The following DCHS2 variants were observed in gnomAD, a reference collection of about 807,000 sequenced individuals.
The protein encoded by DCHS2 is protocadherin-23.
A neutral mutation model predicts 182.4 loss-of-function variants in DCHS2; 142 were observed. The ratio of observed to expected loss-of-function variants is 0.78; its 90% CI spans 0.68 to 0.89. The LOEUF (loss-of-function observed/expected upper bound fraction) is 0.89. DCHS2 is among the 40% of genes least tolerant of loss of function. The probability of loss-of-function intolerance (pLI) is 0.00; values close to 1 mark genes in which losing one functional copy is unlikely to be tolerated. For missense variants in DCHS2, 4,319 were observed against 4,198.6 expected (o/e 1.03, Z -0.79); for synonymous variants, 1,740 against 1,663.3 (o/e 1.05, Z -1.12).
intron 1 of DCHS2, among the ~76,000 whole-genome samples, chr4:154,423,029 A>C (rs1327244841): frequency 6.6e-6 from 1 of 152,234 alleles, no homozygotes; most frequent in East Asian, 1.9e-4. Context: ...GATATGTGAA[A>C]TATAACTCAC....
intron 1 of DCHS2, among the ~76,000 whole-genome samples, chr4:154,388,891 C>T (rs1256224740): frequency 6.6e-6 from 1 of 152,038 alleles, no homozygotes; most frequent in African/African-American, 2.4e-5. Flanking sequence ...AGGCATTGGC[C>T]GTCTGTCTAT....
At position 154,232,386 on chromosome 4, in the gene DCHS2, T is replaced by G. The variant is rs2111067890; in HGVS notation, c.*2150A>C. Reference sequence around the variant, plus strand: ...GATAAACCCATCAATTAAAAATCCATTAAATATTGGTAAAAAAGCTCTATT... The same window carrying G: ...GATAAACCCATCAATTAAAAATCCAGTAAATATTGGTAAAAAAGCTCTATT... On this transcript the variant is annotated 3_prime_UTR_variant, in exon 20 of 20. Coordinates refer to ENST00000357232, the MANE Select transcript of DCHS2 (RefSeq NM_001358235.2). 1 of 152,236 alleles carries G rather than the reference T, an allele frequency of 6.6e-6. No homozygotes were observed. The highest frequency in any genetic ancestry group is 3.4e-3 in the Middle Eastern group (1 of 294). 9.4% of individuals were successfully genotyped at this position (152,236 alleles called of 1,614,324 possible). A position where few individuals can be genotyped will look rare whatever the true frequency, so the allele number is the denominator to read the frequency against.
rs1262858225 is a variant in DCHS2, at chr4:154,322,434, G to T, written c.4073C>A (p.Thr1358Asn). 1 of 1,613,674 alleles carries T rather than the reference G, an allele frequency of 6.2e-7. No individual in the cohort carries two copies. Among genetic ancestry groups the T allele is most frequent in the African/African-American group, 1.3e-5 (1 of 75,024 alleles). ...TCTATAATCATACGAAAGTATTGTGGTTGTTCTTATTTCACCATTGTTGGC... is the reference window on the plus strand; with the variant it reads ...TCTATAATCATACGAAAGTATTGTGTTTGTTCTTATTTCACCATTGTTGGC... ...IDANNGEIRTTTILSYDYRPS... is the reference protein window; with the variant it reads ...IDANNGEIRTNTILSYDYRPS... Residue 1358 changes from threonine (T) to asparagine (N), a missense_variant, in exon 8 of 20, where the codon ACC (threonine) becomes AAC (asparagine). Thr to Asn is a moderately conservative substitution (Grantham distance 65). Transcript: ENST00000357232.
chr4:154,434,167 C>T (rs999259278), intron 1 of DCHS2, among the ~76,000 whole-genome samples: 5 of 152,172 alleles, frequency 3.3e-5, no homozygotes, highest in Non-Finnish European at 7.3e-5. Context: ...GGCATGATGG[C>T]TCATGCCTGT....
chr4:154,235,695 G>A lies in DCHS2; in HGVS notation c.8957C>T (p.Pro2986Leu). The A allele has an allele frequency of 6.2e-7, 1 of 1,613,988 alleles. No homozygotes were observed. Among genetic ancestry groups the A allele is most frequent in the Non-Finnish European group, 8.5e-7 (1 of 1,179,976 alleles). The change falls in exon 20 of 20, where the codon CCC becomes CTC. Residue 2986 changes from proline (P) to leucine (L), a missense_variant. Physicochemically the swap from Pro to Leu is moderately conservative, Grantham distance 98. Transcript: ENST00000357232. ...VNVSFSSEGTPLAVFASSFSI... is the reference protein window; with the variant it reads ...VNVSFSSEGTLLAVFASSFSI... Reference sequence around the variant, plus strand: ...AAAGCTGCTGGCGAACACTGCCAAGGGTGTTCCTTCAGAGGAGAAAGACAC... The same window carrying A: ...AAAGCTGCTGGCGAACACTGCCAAGAGTGTTCCTTCAGAGGAGAAAGACAC...
At position 154,321,005 on chromosome 4, in the gene DCHS2, T is replaced by G. The variant is rs1736040554; in HGVS notation, c.4394A>C (p.Lys1465Thr). 1.9e-6 allele frequency: 3 copies of G among 1,613,864 alleles called. No homozygotes were observed. The highest frequency in any genetic ancestry group is 2.2e-5 in the South Asian group (2 of 91,048). ...AGATGTCGTCTCATAATCAAGTTCC[T>G]TAGAAAGAAACAAGTCTCCGGTTGA... Reference protein sequence around the residue: ...DSSTGDLFLSKELDYETTSHY... With the variant: ...DSSTGDLFLSTELDYETTSHY... The change falls in exon 9 of 20, where the codon AAG (lysine) becomes ACG (threonine). Residue 1465 changes from lysine to threonine, a missense_variant. Lys to Thr is a moderately conservative substitution (Grantham distance 78). Coordinates refer to ENST00000357232, the MANE Select transcript of DCHS2 (RefSeq NM_001358235.2).
Position 154,237,119 on chromosome 4 carries a change from T to C in DCHS2, c.7533A>G (p.Thr2511=). ...FTISPVLLLD[T]ISTTQFLVEA... is the part of the protein sequence containing the mutation. ...CCACAAGAAATTGAGTTGTTGATATTGTATCCAGAAGTAATACGGGACTGA... is the reference window on the plus strand; with the variant it reads ...CCACAAGAAATTGAGTTGTTGATATCGTATCCAGAAGTAATACGGGACTGA... Residue 2511 remains threonine (T), a synonymous_variant, in exon 20 of 20, where the codon ACA becomes ACG. Transcript: ENST00000357232. The C allele has an allele frequency of 1.9e-6, 3 of 1,613,548 alleles. No homozygotes were observed. Among genetic ancestry groups the C allele is most frequent in the South Asian group, 1.1e-5 (1 of 91,044 alleles).
At chr4:154,409,974 T>A (rs1732554166) in intron 1 of DCHS2, among the ~76,000 whole-genome samples, 1 of 152,072 alleles carries the variant, frequency 6.6e-6, no homozygotes, top group South Asian at 2.1e-4. Context: ...ACCAAAGTCA[T>A]CACACCCTTC....
chr4:154,373,274 G>C (rs1296210807), intron 2 of DCHS2, among the ~76,000 whole-genome samples: 4 of 152,070 alleles, frequency 2.6e-5, no homozygotes, highest in Non-Finnish European at 5.9e-5. Context: ...ATTTCTGAGG[G>C]ACATGTACTG....
intron 1 of DCHS2, chr4:154,486,385 A>G (rs1270800187): frequency 7.7e-7 from 1 of 1,301,196 alleles, no homozygotes; most frequent in Non-Finnish European, 1.0e-6. Context: ...CCACTAAGAC[A>G]ACTTGAAGTT....
At chr4:154,296,739 T>C (rs1305958687) in intron 13 of DCHS2, among the ~76,000 whole-genome samples, 2 of 152,170 alleles carry the variant, frequency 1.3e-5, no homozygotes, top group East Asian at 1.9e-4. Flanking sequence ...TGAAAATGTA[T>C]AATAATACCA....
At chr4:154,332,118 G>T (rs1736561790) in intron 5 of DCHS2, among the ~76,000 whole-genome samples, 1 of 152,102 alleles carries the variant, frequency 6.6e-6, no homozygotes, top group Non-Finnish European at 1.5e-5. Flanking sequence ...GATGGTTGTT[G>T]AAAAAATTAG....
intron 1 of DCHS2, among the ~76,000 whole-genome samples, chr4:154,401,654 C>T (rs145957522): frequency 5.6e-4 from 85 of 152,104 alleles, no homozygotes; most frequent in African/African-American, 1.7e-3. Flanking sequence ...CATTTTGTTT[C>T]CTCTCCAAGA....
chr4:154,491,783 G>A lies in DCHS2; in HGVS notation c.-428C>T. 7.1e-6 allele frequency: 7 copies of A among 991,902 alleles called. No homozygotes were observed. Among genetic ancestry groups the A allele is most frequent in the Non-Finnish European group, 8.4e-6 (7 of 834,622 alleles). 61.4% of individuals were successfully genotyped at this position (991,902 alleles called of 1,614,324 possible). On this transcript the variant is annotated 5_prime_UTR_variant, in exon 1 of 20. Coordinates refer to ENST00000357232, the MANE Select transcript of DCHS2 (RefSeq NM_001358235.2). ...ACAAGGAGAGGATGGGGATCTGGCC[G>A]GAGTAGGGGGTGGAGTAAGGGCGTG...
intron 1 of DCHS2, chr4:154,384,443 A>G (rs1420198029): frequency 1.6e-5 from 25 of 1,608,720 alleles, no homozygotes; most frequent in Non-Finnish European, 2.1e-5. Flanking sequence ...CAGTCTCGGG[A>G]CTACCTCTTT....
intron 1 of DCHS2, among the ~76,000 whole-genome samples, chr4:154,393,287 C>G (rs988014905): frequency 7.2e-5 from 11 of 152,262 alleles, no homozygotes; most frequent in African/African-American, 2.6e-4. Flanking sequence ...GTTAGAACTT[C>G]TACATGTTGA....
At chr4:154,320,353 T>A in intron 9 of DCHS2, 26 bp downstream of exon 9, 1 of 1,576,004 alleles carries the variant, frequency 6.3e-7, no homozygotes, top group Non-Finnish European at 8.6e-7. Context: ...AAAATATTTT[T>A]AAAAGTGACA....
intron 14 of DCHS2, among the ~76,000 whole-genome samples, chr4:154,268,229 T>TG (rs1385261397): frequency 8.0e-6 from 1 of 125,776 alleles, no homozygotes; most frequent in African/African-American, 3.1e-5. Context: ...ACCTTTCACT[T>TG]TCCCCCCCCC....
At chr4:154,260,285 G>C (rs549429135) in intron 14 of DCHS2, among the ~76,000 whole-genome samples, 1 of 152,238 alleles carries the variant, frequency 6.6e-6, no homozygotes, top group East Asian at 1.9e-4. Flanking sequence ...TATGTAGAGA[G>C]AAAGAAACTA....
Sources: gnomAD v4.1 joint callset for allele counts (sites outside exome capture counted in the v4.1 genomes callset) on GRCh38, gnomAD v4.1.1 for gene constraint, MANE v1.5 for transcripts, NCBI Gene and HGNC (gene_info 2026-07-23, HGNC 2026-07-21) for gene names.